TSGA10: variants seen among roughly 807,000 people sequenced by gnomAD.
The protein encoded by TSGA10 is testis-specific gene 10 protein.
A neutral mutation model predicts 96.6 loss-of-function variants in TSGA10; 43 were observed. That is an observed-to-expected ratio of 0.44 (90% confidence interval 0.35 to 0.57). TSGA10 has a LOEUF of 0.57. Ranked by LOEUF, TSGA10 falls within the 20% of genes least tolerant of loss-of-function variation. The pLI, the probability that TSGA10 is intolerant of heterozygous loss-of-function variation, is 0.01. For missense variants in TSGA10, 703 were observed against 834.4 expected (o/e 0.84, Z 1.94); for synonymous variants, 229 against 269.9 (o/e 0.85, Z 1.48).
intron 16 of TSGA10, among the ~76,000 whole-genome samples, chr2:99,036,921 C>T (rs1451049482): frequency 6.6e-6 from 1 of 152,094 alleles, no homozygotes; most frequent in Non-Finnish European, 1.5e-5. Flanking sequence ...TCAAAGAAGA[C>T]ATAACAATCC....
intron 2 of TSGA10, among the ~76,000 whole-genome samples, chr2:99,120,665 C>T (rs991439277): frequency 9.9e-5 from 15 of 152,260 alleles, no homozygotes; most frequent in African/African-American, 3.1e-4. Flanking sequence ...ACGCCCTTTA[C>T]TCAGTTTCCG....
chr2:99,018,302 G>A lies in TSGA10; in HGVS notation c.1970C>T (p.Ala657Val), dbSNP rs1313099909. The A allele has an allele frequency of 5.6e-6, 9 of 1,614,122 alleles. No homozygotes were observed. Among genetic ancestry groups the A allele is most frequent in the Non-Finnish European group, 7.6e-6 (9 of 1,180,014 alleles). Residue 657 changes from alanine (A) to valine (V), a missense_variant, in exon 20 of 21, where the codon GCT becomes GTT. Physicochemically the swap from Ala to Val is moderately conservative, Grantham distance 64 (BLOSUM62 0). This residue lies in a region of TSGA10 where 69 missense variants were observed against 81.3 expected (regional missense o/e 0.85). Transcript: ENST00000393483. ...ELRRQNYSSN[A>V]YHMSSTMKPN... ...CTTCATTGTAGAACTCATATGATAA[G>A]CATTACTTGAATAATTTTGGCGGCG...
chr2:99,056,352 C>A (rs555516045), intron 16 of TSGA10, among the ~76,000 whole-genome samples: 18 of 151,980 alleles, frequency 1.2e-4, no homozygotes, highest in African/African-American at 4.4e-4. Context: ...AATGTAGTAA[C>A]GCAATCCTTA....
intron 20 of TSGA10, among the ~76,000 whole-genome samples, chr2:98,999,053 G>A (rs931734155): frequency 4.6e-5 from 7 of 151,908 alleles, no homozygotes; most frequent in South Asian, 2.1e-4. Context: ...GCGCCACCAC[G>A]CCCAGCTAAT....
chr2:99,033,393 C>A (rs570926010), intron 17 of TSGA10, among the ~76,000 whole-genome samples: 84 of 152,260 alleles, frequency 5.5e-4, no homozygotes, highest in African/African-American at 1.7e-3. Context: ...GTTATGAGAG[C>A]AACTTCAGAG....
At chr2:98,998,380 T>C (rs1441184373) in intron 20 of TSGA10, among the ~76,000 whole-genome samples, 159 bp from the exon 21 acceptor site, 3 of 152,258 alleles carry the variant, frequency 2.0e-5, no homozygotes, top group African/African-American at 7.2e-5. Flanking sequence ...TCACTCAGTT[T>C]TCACAAACTG....
chr2:99,112,517 A>G (rs2091900524), intron 4 of TSGA10, among the ~76,000 whole-genome samples: 1 of 141,146 alleles, frequency 7.1e-6, no homozygotes, highest in Non-Finnish European at 1.6e-5. Flanking sequence ...AACAGGTTGG[A>G]ATTTTAAATA....
At chr2:99,067,435 T>C (rs1213350910) in intron 15 of TSGA10, among the ~76,000 whole-genome samples, 1 of 152,226 alleles carries the variant, frequency 6.6e-6, no homozygotes, top group Non-Finnish European at 1.5e-5. Context: ...ATGTGTGATG[T>C]CTGAAAATAT....
chr2:99,043,210 G>A (rs1163173924), intron 16 of TSGA10, among the ~76,000 whole-genome samples: 1 of 152,012 alleles, frequency 6.6e-6, no homozygotes, highest in Non-Finnish European at 1.5e-5. Flanking sequence ...GAACAAAATG[G>A]AATGTCTGAA....
At chr2:99,143,308 T>A (rs201459377) in intron 1 of TSGA10, among the ~76,000 whole-genome samples, 2 of 151,002 alleles carry the variant, frequency 1.3e-5, no homozygotes, top group East Asian at 3.9e-4. Flanking sequence ...CGCCCAGCTT[T>A]TTTTTTGTTT....
chr2:99,074,016 T>TG (rs1490715731), intron 12 of TSGA10, among the ~76,000 whole-genome samples: 1 of 128,898 alleles, frequency 7.8e-6, no homozygotes, highest in Non-Finnish European at 1.6e-5. Context: ...TTTTTTTTTT[T>TG]TTTTTTTTTT....
chr2:99,023,076 A>C (rs539432637), intron 17 of TSGA10, among the ~76,000 whole-genome samples: 3 of 152,148 alleles, frequency 2.0e-5, no homozygotes, highest in African/African-American at 7.2e-5. Flanking sequence ...GCTGGAGTGC[A>C]GTGGCATGAA....
At chr2:99,106,709 T>C (rs557284011) in intron 7 of TSGA10, among the ~76,000 whole-genome samples, 1 of 151,220 alleles carries the variant, frequency 6.6e-6, no homozygotes, top group East Asian at 2.0e-4. Flanking sequence ...GTTCCTGTTC[T>C]CCTTGATATT....
At chr2:99,131,578 T>G (rs1483504140) in intron 1 of TSGA10, among the ~76,000 whole-genome samples, 1 of 152,224 alleles carries the variant, frequency 6.6e-6, no homozygotes, top group Admixed American at 6.5e-5. Flanking sequence ...AGAGACAATT[T>G]GACTCCTCTC....
chr2:99,030,708 G>A (rs1188050225), intron 17 of TSGA10, among the ~76,000 whole-genome samples: 2 of 151,990 alleles, frequency 1.3e-5, no homozygotes, highest in Non-Finnish European at 2.9e-5. Flanking sequence ...TACTAGCAAG[G>A]AACACGTTGA....
intron 1 of TSGA10, chr2:99,141,251 G>A (rs1191141701): frequency 5.5e-6 from 5 of 914,458 alleles, no homozygotes; most frequent in Non-Finnish European, 7.0e-6. Flanking sequence ...GCCCCGCCCC[G>A]GCGGATCGGA....
chr2:99,104,123 A>G lies in TSGA10; in HGVS notation c.460-5T>C, dbSNP rs1559028907. 2.5e-6 allele frequency: 4 copies of G among 1,613,152 alleles called. No individual in the cohort carries two copies. On this transcript the variant is annotated splice_region_variant and splice_polypyrimidine_tract_variant and intron_variant, in intron 9 of 20. Transcript: ENST00000393483. ...CTCCATACGTTCATCATCAAGCTAT[A>G]CAAGTAGAATGACAAGGTTACTGCC...
chr2:99,102,575 T>A (rs968848336), intron 10 of TSGA10: 2 of 1,614,182 alleles, frequency 1.2e-6, no homozygotes, highest in Non-Finnish European at 1.7e-6. Flanking sequence ...CTGTGTCAGA[T>A]ATGATTATGG....
intron 20 of TSGA10, among the ~76,000 whole-genome samples, chr2:99,014,708 C>T (rs1039874802): frequency 3.9e-5 from 6 of 151,936 alleles, no homozygotes; most frequent in Non-Finnish European, 7.4e-5. Flanking sequence ...AAAGCTGGTT[C>T]TTTGAAAAGA....
Sources: allele counts gnomAD v4.1 joint callset (sites outside exome capture counted in the v4.1 genomes callset), GRCh38; gene constraint gnomAD v4.1.1; regional missense constraint gnomAD v4.1.1; transcripts MANE v1.5; gene names NCBI Gene and HGNC (gene_info 2026-07-23, HGNC 2026-07-21).